The following U2AF2 variants were observed in gnomAD, a reference collection of about 807,000 sequenced individuals.
U2AF2 encodes the protein U2 small nuclear RNA auxiliary factor 2.
Under a neutral mutation model 52.6 loss-of-function variants are expected in U2AF2, and 6 were observed. The ratio of observed to expected loss-of-function variants is 0.11; its 90% CI spans 0.06 to 0.23. The LOEUF (loss-of-function observed/expected upper bound fraction) is 0.23. Among genes scored for constraint, U2AF2 ranks in the 10% least tolerant of loss-of-function variants. The pLI is 1.00. For missense variants in U2AF2, 222 were observed against 677.1 expected, an observed-to-expected ratio of 0.33 and a Z score of 7.46; for synonymous variants, 284 against 258.2, an observed-to-expected ratio of 1.10 and a Z score of -0.96.
chr19:55,661,387 T>C (rs1367748597), intron 5 of U2AF2, 198 bp downstream of exon 5: 8 of 488,142 alleles, frequency 1.6e-5, no homozygotes, highest in Non-Finnish European at 2.4e-5. Flanking sequence ...CCTCTTCCCC[T>C]CTCCCGTCTC....
rs956719214 is a variant in U2AF2, at chr19:55,673,244, A to G, written c.1294-690A>G. ...GAGGATATTTTTTATAGTTTGTTTCAGTAAGGATCCATATCAGGTCCCTGC... is the reference window on the plus strand; with the variant it reads ...GAGGATATTTTTTATAGTTTGTTTCGGTAAGGATCCATATCAGGTCCCTGC... On this transcript the variant is annotated intron_variant, in intron 11 of 11. Coordinates refer to ENST00000308924, the MANE Select transcript of U2AF2 (RefSeq NM_007279.3). Among the ~76,000 whole-genome samples, 3 of 152,104 alleles carry G rather than the reference A, an allele frequency of 2.0e-5. No homozygotes were observed. In the South Asian group the frequency reaches 6.2e-4, roughly 32 times the overall value.
At chr19:55,659,497 T>A in intron 2 of U2AF2, 152 bp downstream of exon 2, 1 of 1,075,638 alleles carries the variant, frequency 9.3e-7, no homozygotes. Context: ...GATCTACTGC[T>A]TGGTCTGTCT....
At chr19:55,659,137 C>T in intron 1 of U2AF2, 73 bp from the exon 2 acceptor site, 1 of 1,425,152 alleles carries the variant, frequency 7.0e-7, no homozygotes, top group Non-Finnish European at 9.3e-7. Flanking sequence ...GACATAGCCA[C>T]CAGCGCGCAG....
rs748433023 is a variant in U2AF2 at position 55,669,521 on chromosome 19, G to C, written c.1122G>C (p.Pro374=). 1 of 1,613,870 alleles carries C rather than the reference G, an allele frequency of 6.2e-7. No homozygotes were observed. The highest frequency in any genetic ancestry group is 8.5e-7 in the Non-Finnish European group (1 of 1,179,862). Residue 374 remains proline (P), a synonymous_variant, in exon 11 of 12, where the codon CCG becomes CCC. Transcript: ENST00000308924. ...MSSQVQMGGH[P]TEVLCLMNMV... is the part of the protein sequence containing the mutation. ...CCCAGGTGCAGATGGGCGGCCACCC[G>C]ACTGAGGTCCTGTGCCTCATGAACA...
chr19:55,658,280 G>A (rs913080101), intron 1 of U2AF2, among the ~76,000 whole-genome samples: 2 of 152,020 alleles, frequency 1.3e-5, no homozygotes, highest in Non-Finnish European at 2.9e-5. Context: ...ATGGTGTGGC[G>A]GTGCTCATGA....
intron 11 of U2AF2, among the ~76,000 whole-genome samples, chr19:55,669,964 T>C (rs971594260): frequency 2.6e-5 from 4 of 152,162 alleles, no homozygotes; most frequent in African/African-American, 7.2e-5. Context: ...AGTTGGGGAA[T>C]GTAGCTCTGT....
At chr19:55,658,350 CA>C (rs1352962763) in intron 1 of U2AF2, among the ~76,000 whole-genome samples, 1 of 135,612 alleles carries the variant, frequency 7.4e-6, no homozygotes, top group Non-Finnish European at 1.5e-5. Flanking sequence ...GGTCTCTCTT[CA>C]GGGGTTGAAG....
At chr19:55,669,024 T>C in intron 9 of U2AF2, 59 bp from the exon 10 acceptor site, 1 of 1,578,186 alleles carries the variant, frequency 6.3e-7, no homozygotes, top group Non-Finnish European at 8.6e-7. Context: ...GGTGTCGGGC[T>C]CCTGGTCCCT....
chr19:55,666,742 A>G (rs906781704), intron 7 of U2AF2, among the ~76,000 whole-genome samples: 12 of 152,244 alleles, frequency 7.9e-5, no homozygotes, highest in Middle Eastern at 6.8e-3. Flanking sequence ...AGGGAGCCCA[A>G]CTCTTGTATC....
chr19:55,670,095 C>T (rs891751541), intron 11 of U2AF2, among the ~76,000 whole-genome samples: 4 of 152,124 alleles, frequency 2.6e-5, no homozygotes, highest in African/African-American at 4.8e-5. Context: ...CTGGTGTCTC[C>T]TGTGTGCCAG....
In U2AF2 at chr19:55,668,446, G is replaced by A; in HGVS notation, c.743-61G>A. The A allele has an allele frequency of 6.7e-7, 1 of 1,483,346 alleles. No homozygotes were observed. Among genetic ancestry groups the A allele is most frequent in the South Asian group, 1.3e-5 (1 of 76,382 alleles). The allele number at this position is 1,483,346 out of a possible 1,614,324, so 91.9% of individuals were successfully genotyped here. A position where few individuals can be genotyped will look rare whatever the true frequency, so the allele number is the denominator to read the frequency against. On this transcript the variant is annotated intron_variant, in intron 7 of 11. Transcript: ENST00000308924. The surrounding 1 kb of genome is among the most constrained non-coding windows in gnomAD (Gnocchi z 5.5). ...GCAATTGAGGAGCTCGCCGTAGACT[G>A]TCCAGGTTTTGGGAGATAACCTGGT...
At chr19:55,658,677 A>T (rs945244594) in intron 1 of U2AF2, among the ~76,000 whole-genome samples, 1 of 152,138 alleles carries the variant, frequency 6.6e-6, no homozygotes, top group African/African-American at 2.4e-5. Flanking sequence ...TTGCTTCTGC[A>T]TTATTCACCG....
chr19:55,655,410 C>T (rs1447607172), intron 1 of U2AF2, among the ~76,000 whole-genome samples: 1 of 152,158 alleles, frequency 6.6e-6, no homozygotes, highest in African/African-American at 2.4e-5. Context: ...GTGGTCCTGG[C>T]GGAGGTGGCG....
chr19:55,667,466 G>T (rs929372819), intron 7 of U2AF2, among the ~76,000 whole-genome samples: 5 of 152,154 alleles, frequency 3.3e-5, no homozygotes, highest in African/African-American at 1.2e-4. Context: ...GAGCCTGTGG[G>T]GTCTCAGGTT....
At chr19:55,657,602 C>T (rs375386077) in intron 1 of U2AF2, among the ~76,000 whole-genome samples, 7 of 151,830 alleles carry the variant, frequency 4.6e-5, no homozygotes, top group Non-Finnish European at 7.4e-5. Flanking sequence ...TGCCCAGTGC[C>T]GTGCCTGTGT....
intron 1 of U2AF2, among the ~76,000 whole-genome samples, chr19:55,657,548 G>C (rs1390783688): frequency 6.6e-6 from 1 of 152,186 alleles, no homozygotes; most frequent in Non-Finnish European, 1.5e-5. Flanking sequence ...AGCAGAAAGG[G>C]CTCTTGGGGC....
chr19:55,667,756 T>C (rs1984633905), intron 7 of U2AF2, among the ~76,000 whole-genome samples: 1 of 151,600 alleles, frequency 6.6e-6, no homozygotes, highest in Non-Finnish European at 1.5e-5. Flanking sequence ...CCTGCAGTTC[T>C]GACAGGGCGT....
intron 11 of U2AF2, 105 bp downstream of exon 11, chr19:55,669,797 C>G: frequency 7.0e-7 from 1 of 1,435,100 alleles, no homozygotes. Flanking sequence ...CTCCTCTTCT[C>G]CGCGCGCTCT....
At chr19:55,655,735 A>C (rs1983751537) in intron 1 of U2AF2, among the ~76,000 whole-genome samples, 1 of 151,986 alleles carries the variant, frequency 6.6e-6, no homozygotes, top group Admixed American at 6.5e-5. Context: ...ATTTGCTCTG[A>C]TCTCTCCCGC....
Sources: allele counts gnomAD v4.1 joint callset (sites outside exome capture counted in the v4.1 genomes callset), GRCh38; gene constraint gnomAD v4.1.1; non-coding constraint Gnocchi (gnomAD v3.1); transcripts MANE v1.5; gene names NCBI Gene and HGNC (gene_info 2026-07-23, HGNC 2026-07-21).